The following TMC1 variants were observed in gnomAD, a reference collection of about 807,000 sequenced individuals.
TMC1 encodes transmembrane channel-like protein 1.
Under a neutral mutation model 105.8 loss-of-function variants are expected in TMC1, and 84 were observed. That is an observed-to-expected ratio of 0.79 (90% CI 0.67 to 0.95). The LOEUF (loss-of-function observed/expected upper bound fraction) is 0.95. TMC1 is among the 40% of genes least tolerant of loss of function. TMC1 has a pLI of 0.00. For missense variants in TMC1, 817 were observed against 914.1 expected (o/e 0.89, Z 1.37); for synonymous variants, 315 against 311.5 (o/e 1.01, Z -0.12).
intron 17 of TMC1, among the ~76,000 whole-genome samples, chr9:72,802,242 CATACATACATAT>C (rs1341842641): frequency 5.5e-5 from 8 of 146,466 alleles, no homozygotes; most frequent in African/African-American, 1.6e-4. Context: ...TACATACATA[CATACATACATAT>C]ATACATACAT....
Position 72,601,169 on chromosome 9 carries a change from TAC to T in TMC1, c.-305-15175_-305-15174del, listed in dbSNP as rs753598002. ...AGGCAACATAGCAAGACACTGTTTC[TAC>T]ACACACACACACACACACACACAGA... On this transcript the variant is annotated intron_variant, in intron 2 of 23. Transcript: ENST00000297784. 6.5e-4 allele frequency among the ~76,000 whole-genome samples: 97 copies of T among 148,180 alleles called. 1 individual carries two copies. Among genetic ancestry groups the T allele is most frequent in the African/African-American group, 7.8e-4 (31 of 39,990 alleles).
chr9:72,724,393 T>C (rs1211773784), intron 8 of TMC1, among the ~76,000 whole-genome samples: 1 of 152,180 alleles, frequency 6.6e-6, no homozygotes, highest in Non-Finnish European at 1.5e-5. Context: ...CCCACTCTCA[T>C]GGTAACCACA....
chr9:72,637,927 A>G (rs1009173738), intron 4 of TMC1, among the ~76,000 whole-genome samples: 1 of 152,232 alleles, frequency 6.6e-6, no homozygotes, highest in Non-Finnish European at 1.5e-5. Flanking sequence ...AGTTTAGCAC[A>G]TAAGTGGTGG....
rs537919909 is a variant in TMC1 at position 72,641,529 on chromosome 9, C to T, written c.-52-7068C>T. On this transcript the variant is annotated intron_variant, in intron 4 of 23. Transcript: ENST00000297784. ...AGTCCAGGCTATGTAATTTGTGGAA[C>T]TTAGTGCCAAAAGTAGGGTCCTTTG... 7.2e-5 allele frequency among the ~76,000 whole-genome samples: 11 copies of T among 152,282 alleles called. 1 individual carries two copies. The South Asian group carries it at 2.1e-3, about 29-fold the overall frequency.
intron 1 of TMC1, among the ~76,000 whole-genome samples, chr9:72,572,507 A>G (rs780353527): frequency 1.3e-5 from 2 of 152,142 alleles, no homozygotes; most frequent in Non-Finnish European, 2.9e-5. Context: ...AGTATCCTTG[A>G]ACATCTCTCT....
chr9:72,785,915 G>A (rs184208839), intron 13 of TMC1, among the ~76,000 whole-genome samples: 65 of 152,214 alleles, frequency 4.3e-4, no homozygotes, highest in Non-Finnish European at 8.4e-4. Context: ...TCTTTTTCTT[G>A]TGTGGTCTTA....
intron 2 of TMC1, among the ~76,000 whole-genome samples, chr9:72,580,945 C>G (rs1824465303): frequency 6.6e-6 from 1 of 152,172 alleles, no homozygotes; most frequent in Non-Finnish European, 1.5e-5. Context: ...CATCCTCAGT[C>G]AGAGGTTTCA....
intron 4 of TMC1, among the ~76,000 whole-genome samples, chr9:72,628,642 T>A (rs754536129): frequency 2.0e-5 from 3 of 152,222 alleles, no homozygotes; most frequent in Non-Finnish European, 4.4e-5. Flanking sequence ...TGAAAGTTCT[T>A]TTCTTCTGCC....
intron 12 of TMC1, among the ~76,000 whole-genome samples, chr9:72,769,611 G>A (rs1463722313): frequency 1.3e-5 from 2 of 152,196 alleles, no homozygotes; most frequent in South Asian, 2.1e-4. Context: ...GTCTTCACTT[G>A]GAAGGGAACG....
chr9:72,807,044 T>A (rs1002949114), intron 18 of TMC1, among the ~76,000 whole-genome samples: 1 of 152,218 alleles, frequency 6.6e-6, no homozygotes, highest in African/African-American at 2.4e-5. Flanking sequence ...GGCGGATCAC[T>A]TGCGGTTTGG....
intron 14 of TMC1, among the ~76,000 whole-genome samples, chr9:72,788,865 A>G (rs922016927): frequency 6.6e-6 from 1 of 152,054 alleles, no homozygotes; most frequent in Non-Finnish European, 1.5e-5. Flanking sequence ...ATTCACTGGA[A>G]TGAAGATTTT....
intron 5 of TMC1, among the ~76,000 whole-genome samples, chr9:72,678,160 A>G (rs1826231802): frequency 1.3e-5 from 2 of 152,112 alleles, no homozygotes; most frequent in Non-Finnish European, 2.9e-5. Flanking sequence ...GAAATAGAAG[A>G]CTAGAATTTA....
chr9:72,815,999 A>G, intron 18 of TMC1, 144 bp from the exon 19 acceptor site: 1 of 729,130 alleles, frequency 1.4e-6, no homozygotes, highest in Non-Finnish European at 2.5e-6. Flanking sequence ...TTTTATTTAT[A>G]TCTGGTTACT....
At chr9:72,685,580 T>TGA (rs1826367751) in intron 5 of TMC1, among the ~76,000 whole-genome samples, 1 of 151,888 alleles carries the variant, frequency 6.6e-6, no homozygotes, top group Non-Finnish European at 1.5e-5. Context: ...TCCAGGCTGG[T>TGA]CTTAAACTCC....
chr9:72,743,503 G>A (rs1208733806), intron 10 of TMC1, among the ~76,000 whole-genome samples: 1 of 148,822 alleles, frequency 6.7e-6, no homozygotes, highest in African/African-American at 2.5e-5. Context: ...AGAGGCGGAG[G>A]TTGCAGTGAG....
intron 8 of TMC1, among the ~76,000 whole-genome samples, chr9:72,711,802 G>A (rs549381567): frequency 6.6e-6 from 1 of 152,274 alleles, no homozygotes; most frequent in South Asian, 2.1e-4. Flanking sequence ...TTTGGCTTTT[G>A]TTGCCATTGC....
chr9:72,570,616 A>ACATTAACAC lies in TMC1; in HGVS notation c.-427-7282_-427-7274dup, dbSNP rs1824260900. 4.6e-5 allele frequency among the ~76,000 whole-genome samples: 7 copies of ACATTAACAC among 151,628 alleles called. No individual in the cohort carries two copies. In the South Asian group the frequency reaches 1.5e-3, roughly 32 times the overall value. ...AATATGCAGAAAAGTAGAGAAAATA[A>ACATTAACAC]CATTAACACCATATACTTACCATGT... On this transcript the variant is annotated intron_variant, in intron 1 of 23. Transcript: ENST00000297784.
At chr9:72,805,175 T>C (rs1828550258) in intron 17 of TMC1, 2 of 423,308 alleles carry the variant, frequency 4.7e-6, no homozygotes, top group African/African-American at 4.1e-5. Flanking sequence ...ACTTTTGATT[T>C]AGTAAACGGG....
rs911481270 is a variant in TMC1, at chr9:72,791,769, T to C, written c.1225-117T>C. ...ATTCTAAACGTGCATAAAATAGTCA[T>C]TTTTAGTCTTAAAAAAGATCAAAGA... On this transcript the variant is annotated intron_variant, in intron 15 of 23. Coordinates refer to ENST00000297784, the MANE Select transcript of TMC1 (RefSeq NM_138691.3). 7.0e-6 allele frequency: 6 copies of C among 853,598 alleles called. No individual in the cohort carries two copies. In the East Asian group the frequency reaches 1.2e-4, roughly 17 times the overall value. 52.9% of individuals were successfully genotyped at this position (853,598 alleles called of 1,614,324 possible).
Sources: allele counts gnomAD v4.1 joint callset (sites outside exome capture counted in the v4.1 genomes callset), GRCh38; gene constraint gnomAD v4.1.1; transcripts MANE v1.5; gene names NCBI Gene and HGNC (gene_info 2026-07-23, HGNC 2026-07-21).